Variants in TRAF3 observed in about 807,000 individuals in gnomAD.
TRAF3 encodes the protein TNF receptor-associated factor 3.
TRAF3 carries 13 observed loss-of-function variants against 62.3 expected under a neutral mutation model. That is an observed-to-expected ratio of 0.21 (90% CI 0.14 to 0.33). The LOEUF is 0.33. TRAF3 is among the 10% of genes least tolerant of loss of function. The probability of loss-of-function intolerance (pLI) is 1.00; values close to 1 mark genes in which losing one functional copy is unlikely to be tolerated. For synonymous variants in TRAF3, 269 were observed against 283.4 expected, an observed-to-expected ratio of 0.95 and a Z score of 0.51; for missense variants, 440 against 741.8, an observed-to-expected ratio of 0.59 and a Z score of 4.73.
At chr14:102,865,269 G>C (rs931306731) in intron 2 of TRAF3, among the ~76,000 whole-genome samples, 1 of 152,168 alleles carries the variant, frequency 6.6e-6, no homozygotes, top group African/African-American at 2.4e-5. Context: ...TCACGGGGCT[G>C]CCGGCTGGGC....
At chr14:102,807,074 G>A (rs967620844) in intron 1 of TRAF3, among the ~76,000 whole-genome samples, 9 of 152,098 alleles carry the variant, frequency 5.9e-5, no homozygotes, top group African/African-American at 1.4e-4. Context: ...TGCTGATGCC[G>A]GTGGCCCCAA....
At chr14:102,796,535 A>T (rs912453504) in intron 1 of TRAF3, among the ~76,000 whole-genome samples, 2 of 152,164 alleles carry the variant, frequency 1.3e-5, no homozygotes, top group African/African-American at 4.8e-5. Context: ...TGAAGTGGGG[A>T]TGGGGGGTGG....
chr14:102,843,299 TC>T (rs1358910003), intron 2 of TRAF3, among the ~76,000 whole-genome samples: 3 of 151,366 alleles, frequency 2.0e-5, no homozygotes, highest in Non-Finnish European at 2.9e-5. Flanking sequence ...TAAAGGAAAT[TC>T]AGATAGAAAG....
chr14:102,871,112 C>T (rs966202289), intron 3 of TRAF3, among the ~76,000 whole-genome samples: 2 of 152,224 alleles, frequency 1.3e-5, no homozygotes, highest in Non-Finnish European at 2.9e-5. Flanking sequence ...TTGGCCACTG[C>T]CGTCAGGGCA....
At chr14:102,864,832 C>T (rs962296378) in intron 2 of TRAF3, among the ~76,000 whole-genome samples, 10 of 152,148 alleles carry the variant, frequency 6.6e-5, no homozygotes, top group South Asian at 2.1e-4. Context: ...GGGGCAGATT[C>T]GCCTCCGTGG....
intron 9 of TRAF3, among the ~76,000 whole-genome samples, chr14:102,893,008 T>G (rs1477713299): frequency 6.6e-6 from 1 of 152,218 alleles, no homozygotes; most frequent in African/African-American, 2.4e-5. Flanking sequence ...TTTCTGTCTT[T>G]TTAAAATTAT....
chr14:102,802,240 C>T (rs1327132044), intron 1 of TRAF3, among the ~76,000 whole-genome samples: 10 of 143,102 alleles, frequency 7.0e-5, no homozygotes, highest in African/African-American at 1.0e-4. Context: ...CTGCAACCTC[C>T]GCCTCCCGGG....
intron 2 of TRAF3, among the ~76,000 whole-genome samples, chr14:102,849,199 A>T (rs1886890363): frequency 6.6e-6 from 1 of 152,244 alleles, no homozygotes; most frequent in African/African-American, 2.4e-5. Context: ...TCACGTCTTC[A>T]AATACAGTTG....
intron 6 of TRAF3, among the ~76,000 whole-genome samples, chr14:102,877,941 A>T (rs888444368): frequency 1.3e-5 from 2 of 152,258 alleles, no homozygotes; most frequent in Middle Eastern, 3.2e-3. Context: ...CTTCCACTGT[A>T]CAGCTTCTTA....
intron 1 of TRAF3, among the ~76,000 whole-genome samples, chr14:102,815,471 A>G (rs1267630464): frequency 6.6e-6 from 1 of 152,092 alleles, no homozygotes; most frequent in Admixed American, 6.6e-5. Flanking sequence ...GGCTCAAGTG[A>G]TCTTTCTGCC....
At chr14:102,846,016 T>C (rs1272205575) in intron 2 of TRAF3, among the ~76,000 whole-genome samples, 1 of 147,306 alleles carries the variant, frequency 6.8e-6, no homozygotes, top group Non-Finnish European at 1.5e-5. Flanking sequence ...AAAATACTAT[T>C]ATACCGCTGT....
At chr14:102,843,477 A>AT (rs763414975) in intron 2 of TRAF3, among the ~76,000 whole-genome samples, 4 of 151,924 alleles carry the variant, frequency 2.6e-5, no homozygotes, top group Non-Finnish European at 5.9e-5. Context: ...AGCTGGGACT[A>AT]TAAGCGTGTG....
chr14:102,829,241 T>C (rs1006532303), intron 1 of TRAF3, among the ~76,000 whole-genome samples: 11 of 152,226 alleles, frequency 7.2e-5, no homozygotes, highest in African/African-American at 2.7e-4. Context: ...CTGAAAAGCT[T>C]GTGAATGGGT....
rs56203426 is a variant in TRAF3, at chr14:102,900,180, G to GAA, written c.960+2801_960+2802dup. On this transcript the variant is annotated intron_variant, in intron 10 of 11. Transcript: ENST00000392745. ...GGAGAAAGAGCAAGACTCCGTCTCG[G>GAA]AAAAAAAAAAAAAAAAAAAAAAAGA... Among the ~76,000 whole-genome samples the GAA allele has an allele frequency of 2.4e-4, 22 of 91,448 alleles. 2 individuals are homozygous for GAA. The highest frequency in any genetic ancestry group is 4.4e-4 in the Admixed American group (3 of 6,806). The allele number at this position is 91,448 out of a possible 152,430, so 60.0% of individuals were successfully genotyped here.
At chr14:102,849,280 C>G (rs1235667551) in intron 2 of TRAF3, among the ~76,000 whole-genome samples, 2 of 152,212 alleles carry the variant, frequency 1.3e-5, no homozygotes, top group East Asian at 3.9e-4. Context: ...GCTCCAGCCC[C>G]ATGTGGCAGG....
intron 2 of TRAF3, among the ~76,000 whole-genome samples, chr14:102,840,239 TTAAGACAGGGTCTTGCTCTA>T (rs1886297076): frequency 1.3e-5 from 2 of 152,204 alleles, no homozygotes; most frequent in African/African-American, 2.4e-5. Flanking sequence ...TTTTTACTTT[TTAAGACAGGGTCTTGCTCTA>T]TTGCCCAGGC....
In TRAF3 at chr14:102,826,874, G is replaced by T. The variant is rs1283542655; in HGVS notation, c.-156-3460G>T. Among the ~76,000 whole-genome samples, 1 of 152,158 alleles carries T rather than the reference G, an allele frequency of 6.6e-6. No homozygotes were observed. Among genetic ancestry groups the T allele is most frequent in the Non-Finnish European group, 1.5e-5 (1 of 68,010 alleles). Reference sequence around the variant, plus strand: ...TGGTGAGGTCGCACAACACAGAGCTGCCCTGCTGTGTCCATGCCCTGGTGC... The same window carrying T: ...TGGTGAGGTCGCACAACACAGAGCTTCCCTGCTGTGTCCATGCCCTGGTGC... On this transcript the variant is annotated intron_variant, in intron 1 of 11. Transcript: ENST00000392745. The surrounding 1 kb of genome is among the most constrained non-coding windows in gnomAD (Gnocchi z 4.6).
At chr14:102,876,958 A>T (rs1381459508) in intron 6 of TRAF3, among the ~76,000 whole-genome samples, 1 of 141,216 alleles carries the variant, frequency 7.1e-6, no homozygotes, top group African/African-American at 2.7e-5. Context: ...CGCTCAATTC[A>T]TAGATAATCC....
intron 1 of TRAF3, among the ~76,000 whole-genome samples, chr14:102,780,770 C>T (rs1032235062): frequency 6.6e-6 from 1 of 151,990 alleles, no homozygotes; most frequent in Non-Finnish European, 1.5e-5. Flanking sequence ...TTCTGGTTAC[C>T]GTGCTGGGAA....
Sources: allele counts gnomAD v4.1 joint callset (sites outside exome capture counted in the v4.1 genomes callset), GRCh38; gene constraint gnomAD v4.1.1; non-coding constraint Gnocchi (gnomAD v3.1); transcripts MANE v1.5; gene names NCBI Gene and HGNC (gene_info 2026-07-23, HGNC 2026-07-21).